WWP2: variants seen among roughly 807,000 people sequenced by gnomAD.
WWP2 encodes NEDD4-like E3 ubiquitin-protein ligase WWP2.
Under a neutral mutation model 121.0 loss-of-function variants are expected in WWP2, and 57 were observed. The ratio of observed to expected loss-of-function variants is 0.47; its 90% CI spans 0.38 to 0.59. The LOEUF (loss-of-function observed/expected upper bound fraction) is 0.59. WWP2 is among the 20% of genes least tolerant of loss of function. WWP2 has a pLI of 0.00. For missense variants in WWP2, 962 were observed against 1,158.9 expected (o/e 0.83, Z 2.47); for synonymous variants, 449 against 441.3 (o/e 1.02, Z -0.22).
At chr16:69,820,218 G>A (rs1596997370) in intron 4 of WWP2, among the ~76,000 whole-genome samples, 2 of 152,268 alleles carry the variant, frequency 1.3e-5, no homozygotes, top group East Asian at 1.9e-4. Context: ...GGGTGACAGA[G>A]TGGGACCCCT....
intron 21 of WWP2, among the ~76,000 whole-genome samples, chr16:69,938,435 T>C (rs368711553): frequency 9.2e-5 from 14 of 152,294 alleles, no homozygotes; most frequent in African/African-American, 3.4e-4. Flanking sequence ...CTGGCCAAAA[T>C]AGTGAAACCC....
At chr16:69,881,003 A>T (rs891711505) in intron 7 of WWP2, among the ~76,000 whole-genome samples, 1 of 152,156 alleles carries the variant, frequency 6.6e-6, no homozygotes, top group African/African-American at 2.4e-5. Context: ...GCTAACTGTG[A>T]CTAGAGTGTG....
In WWP2 at chr16:69,840,187, C is replaced by A; in HGVS notation, c.402C>A (p.Gly134=). The A allele has an allele frequency of 1.2e-6, 2 of 1,614,230 alleles. No homozygotes were observed. The highest frequency in any genetic ancestry group is 1.7e-6 in the Non-Finnish European group (2 of 1,180,036). Residue 134 remains glycine, a synonymous_variant, in exon 5 of 24, where the codon GGC becomes GGA. Transcript: ENST00000359154. ...QTENKGSVVS[G]GELTIFLDGP... ...AGAACAAAGGCAGCGTTGTCTCAGG[C>A]GGAGAGCTGACAATTTTCCTGGACG...
intron 8 of WWP2, among the ~76,000 whole-genome samples, chr16:69,908,278 C>CT (rs1223972980): frequency 1.3e-5 from 2 of 152,006 alleles, no homozygotes; most frequent in African/African-American, 4.8e-5. Context: ...GAATCTGTGA[C>CT]TTTAACAGGT....
intron 4 of WWP2, among the ~76,000 whole-genome samples, chr16:69,819,788 T>G (rs1054518022): frequency 6.6e-6 from 1 of 152,190 alleles, no homozygotes; most frequent in African/African-American, 2.4e-5. Flanking sequence ...AAAAAAACAT[T>G]ACTGAGTCAT....
intron 8 of WWP2, among the ~76,000 whole-genome samples, chr16:69,905,517 G>C (rs970033028): frequency 6.6e-6 from 1 of 152,190 alleles, no homozygotes; most frequent in Non-Finnish European, 1.5e-5. Context: ...GGAAATACTG[G>C]AGAATTTAGG....
intron 5 of WWP2, 51 bp downstream of exon 5, chr16:69,840,314 G>A (rs1344775509): frequency 1.9e-6 from 3 of 1,607,400 alleles, no homozygotes; most frequent in Non-Finnish European, 2.5e-6. Flanking sequence ...GTGGGGCTGG[G>A]CGGGGGCCAG....
Position 69,835,201 on chromosome 16 carries a change from G to A in WWP2, c.341-4925G>A, listed in dbSNP as rs56136479. Among the ~76,000 whole-genome samples, 11 of 152,288 alleles carry A rather than the reference G, an allele frequency of 7.2e-5. No individual in the cohort carries two copies. In the East Asian group the frequency reaches 9.6e-4, roughly 13 times the overall value. On this transcript the variant is annotated intron_variant, in intron 4 of 23. Coordinates refer to ENST00000359154, the MANE Select transcript of WWP2 (RefSeq NM_001270454.2). Reference sequence around the variant, plus strand: ...GAAGAGAAAGGGCCTCTGTAGAGCCGTCTGCACAGCTGTAGTGAAAACAGA... The same window carrying A: ...GAAGAGAAAGGGCCTCTGTAGAGCCATCTGCACAGCTGTAGTGAAAACAGA...
intron 11 of WWP2, among the ~76,000 whole-genome samples, chr16:69,927,297 G>A (rs950257347): frequency 1.3e-5 from 2 of 151,854 alleles, no homozygotes; most frequent in African/African-American, 4.8e-5. Context: ...GAGAGTGATC[G>A]GCAGCTTGCT....
At chr16:69,905,123 T>C (rs368793565) in intron 8 of WWP2, among the ~76,000 whole-genome samples, 7 of 152,366 alleles carry the variant, frequency 4.6e-5, no homozygotes, top group African/African-American at 1.7e-4. Flanking sequence ...GTGTTCAGCC[T>C]CTAAAGACTT....
intron 6 of WWP2, among the ~76,000 whole-genome samples, chr16:69,863,511 C>A (rs747404291): frequency 6.6e-6 from 1 of 151,898 alleles, no homozygotes; most frequent in Non-Finnish European, 1.5e-5. Context: ...AGGTGGCAGG[C>A]GCCTGTAATC....
At chr16:69,911,876 G>A (rs1446104067) in intron 9 of WWP2, among the ~76,000 whole-genome samples, 2 of 152,170 alleles carry the variant, frequency 1.3e-5, no homozygotes, top group African/African-American at 2.4e-5. Flanking sequence ...AAATGGCAGA[G>A]CCGAGAGAAT....
intron 1 of WWP2, among the ~76,000 whole-genome samples, chr16:69,771,739 G>A (rs1363897870): frequency 2.6e-5 from 4 of 152,034 alleles, no homozygotes; most frequent in South Asian, 2.1e-4. Context: ...AAGGACTTCT[G>A]CAATGTTTGT....
intron 6 of WWP2, among the ~76,000 whole-genome samples, chr16:69,853,804 C>G (rs3790086): frequency 0.44 from 66,933 of 151,688 alleles, 14,835 homozygotes; most frequent in Admixed American, 0.54. Flanking sequence ...GGGGGGTACT[C>G]CCAGATTCCT....
At chr16:69,886,747 G>A (rs1179083842) in intron 7 of WWP2, among the ~76,000 whole-genome samples, 6 of 152,158 alleles carry the variant, frequency 3.9e-5, no homozygotes, top group African/African-American at 7.2e-5. Flanking sequence ...GTGACGGAGC[G>A]AGACTGTGTC....
rs979513287 is a variant in WWP2, at chr16:69,931,490, T to G, written c.1522-19T>G. 6.2e-7 allele frequency: 1 copy of G among 1,613,348 alleles called. No individual in the cohort carries two copies. Among genetic ancestry groups the G allele is most frequent in the Admixed American group, 1.7e-5 (1 of 59,896 alleles). On this transcript the variant is annotated intron_variant, in intron 14 of 23. Coordinates refer to ENST00000359154, the MANE Select transcript of WWP2 (RefSeq NM_001270454.2). ...CACTTGAGGCTCGATTTAAAGTTCTTTTCTTTTTTTTTTTTCAGTCAAATG... is the reference window on the plus strand; with the variant it reads ...CACTTGAGGCTCGATTTAAAGTTCTGTTCTTTTTTTTTTTTCAGTCAAATG...
chr16:69,865,829 C>T (rs1035443743), intron 6 of WWP2, among the ~76,000 whole-genome samples: 2 of 152,200 alleles, frequency 1.3e-5, no homozygotes, highest in African/African-American at 4.8e-5. Context: ...GCACAGCCTC[C>T]GTGGCCTGGC....
chr16:69,833,932 A>G (rs4985445), intron 4 of WWP2, among the ~76,000 whole-genome samples: 79,562 of 151,904 alleles, frequency 0.52, 21,573 homozygotes, highest in African/African-American at 0.67. Context: ...GCTAGGGAGG[A>G]GGCCAGGGTA....
chr16:69,796,263 T>C (rs1381039119), intron 2 of WWP2, among the ~76,000 whole-genome samples: 1 of 152,180 alleles, frequency 6.6e-6, no homozygotes, highest in Admixed American at 6.6e-5. Context: ...TGAGCGCAGA[T>C]ACTTCTCAAC....
Sources: allele counts gnomAD v4.1 joint callset (sites outside exome capture counted in the v4.1 genomes callset), GRCh38; gene constraint gnomAD v4.1.1; transcripts MANE v1.5; gene names NCBI Gene and HGNC (gene_info 2026-07-23, HGNC 2026-07-21).